PLSCR5: variants seen among roughly 807,000 people sequenced by gnomAD.
PLSCR5 encodes the protein phospholipid scramblase family, member 5.
A neutral mutation model predicts 33.6 loss-of-function variants in PLSCR5; 44 were observed. That is an observed-to-expected ratio of 1.31 (90% CI 1.03 to 1.69). The LOEUF (loss-of-function observed/expected upper bound fraction) is 1.69, where lower values mean the gene tolerates loss of function less well. PLSCR5 is among the 40% of genes most tolerant of loss of function. PLSCR5 has a pLI of 0.00. For synonymous variants in PLSCR5, 148 were observed against 112.3 expected (o/e 1.32, Z -2.01); for missense variants, 375 against 318.7 (o/e 1.18, Z -1.34).
intron 7 of PLSCR5, among the ~76,000 whole-genome samples, chr3:146,578,073 A>G (rs1303308061): frequency 1.0e-5 from 1 of 96,308 alleles, no homozygotes; most frequent in Non-Finnish European, 2.2e-5. Flanking sequence ...CAAAATGAAT[A>G]CTGACATTTT....
chr3:146,590,808 C>T (rs17367309), intron 5 of PLSCR5, among the ~76,000 whole-genome samples: 13,908 of 151,790 alleles, frequency 0.092, 855 homozygotes, highest in Middle Eastern at 0.16. Flanking sequence ...AACTAAATGC[C>T]CTTGCTGAGA....
intron 1 of PLSCR5, among the ~76,000 whole-genome samples, chr3:146,602,718 A>G (rs2044829448): frequency 6.6e-6 from 1 of 152,132 alleles, no homozygotes; most frequent in Admixed American, 6.6e-5. Flanking sequence ...GGATTCACAA[A>G]TTACCCCAAT....
intron 2 of PLSCR5, among the ~76,000 whole-genome samples, chr3:146,599,531 G>A (rs903566340): frequency 1.2e-5 from 1 of 80,900 alleles, no homozygotes; most frequent in Non-Finnish European, 2.7e-5. Context: ...TTTTTTTTTT[G>A]TCTTGCCAAT....
In PLSCR5 at chr3:146,594,899, A is replaced by G. The variant is rs6762980; in HGVS notation, c.232+142T>C. 2.6e-3 allele frequency: 1,084 copies of G among 411,684 alleles called. 9 individuals carry two copies. Among genetic ancestry groups the G allele is most frequent in the African/African-American group, 0.02 (966 of 48,168 alleles). 25.5% of individuals were successfully genotyped at this position (411,684 alleles called of 1,614,324 possible). A position where few individuals can be genotyped will look rare whatever the true frequency, so the allele number is the denominator to read the frequency against. On this transcript the variant is annotated intron_variant, in intron 3 of 7. Transcript: ENST00000443512. ...TTACTTTCAGCTTTTAATTGAAAAA[A>G]GACCTAGTACTCTTTTTGATCTAAT...
chr3:146,600,030 T>C (rs1305877559), intron 2 of PLSCR5, among the ~76,000 whole-genome samples: 2 of 152,174 alleles, frequency 1.3e-5, no homozygotes, highest in African/African-American at 2.4e-5. Context: ...ATAAATATGC[T>C]AAACAGCTCC....
At chr3:146,596,234 G>C (rs2044760214) in intron 2 of PLSCR5, among the ~76,000 whole-genome samples, 1 of 152,092 alleles carries the variant, frequency 6.6e-6, no homozygotes, top group Admixed American at 6.6e-5. Flanking sequence ...TGTGGCCCAG[G>C]CTGGAGTGCA....
At chr3:146,588,830 G>A (rs984184798) in intron 6 of PLSCR5, among the ~76,000 whole-genome samples, 4 of 152,122 alleles carry the variant, frequency 2.6e-5, no homozygotes, top group African/African-American at 9.7e-5. Context: ...AGGGGAAAAG[G>A]CATCATGTCT....
At chr3:146,589,297 G>C (rs1342245429) in intron 6 of PLSCR5, among the ~76,000 whole-genome samples, 1 of 152,024 alleles carries the variant, frequency 6.6e-6, no homozygotes, top group Non-Finnish European at 1.5e-5. Flanking sequence ...ACTTTATCCA[G>C]GATAAATCAT....
chr3:146,604,526 T>C (rs894534840), intron 1 of PLSCR5, among the ~76,000 whole-genome samples: 2 of 152,108 alleles, frequency 1.3e-5, no homozygotes, highest in Non-Finnish European at 2.9e-5. Context: ...GAAATACTTA[T>C]TTCTAGCCCA....
At chr3:146,600,158 T>C (rs891888599) in intron 2 of PLSCR5, 130 bp downstream of exon 2, 4 of 648,138 alleles carry the variant, frequency 6.2e-6, no homozygotes, top group Non-Finnish European at 6.6e-6. Context: ...AATTTTATGA[T>C]TTATAATGCT....
chr3:146,602,788 A>G (rs1347561559), intron 1 of PLSCR5, among the ~76,000 whole-genome samples: 1 of 152,114 alleles, frequency 6.6e-6, no homozygotes, highest in Non-Finnish European at 1.5e-5. Flanking sequence ...GGGTTTGGCA[A>G]GTAGCTGTAC....
intron 1 of PLSCR5, among the ~76,000 whole-genome samples, chr3:146,604,514 C>T (rs1012369991): frequency 1.3e-5 from 2 of 151,998 alleles, no homozygotes; most frequent in East Asian, 1.9e-4. Context: ...CTTTATAATT[C>T]AGAAATACTT....
In PLSCR5 at chr3:146,605,311, A is replaced by G; in HGVS notation, c.-99T>C. ...GAAAACGCAGCATGCACAAAACTTC[A>G]GAACGTGTTTGTCTGCCTCTTGTCA... On this transcript the variant is annotated 5_prime_UTR_variant, in exon 1 of 8. Coordinates refer to ENST00000443512, the MANE Select transcript of PLSCR5 (RefSeq NM_001085420.2). 6.3e-7 allele frequency: 1 copy of G among 1,593,636 alleles called. No individual in the cohort carries two copies. Among genetic ancestry groups the G allele is most frequent in the Non-Finnish European group, 8.6e-7 (1 of 1,169,402 alleles).
At chr3:146,590,629 A>G (rs2044705769) in intron 5 of PLSCR5, among the ~76,000 whole-genome samples, 3 of 152,218 alleles carry the variant, frequency 2.0e-5, no homozygotes, top group South Asian at 4.1e-4. Context: ...GTTACTTAGG[A>G]CATTTCTATA....
rs1468873710 is a variant in PLSCR5, at chr3:146,595,053, C to G, written c.220G>C (p.Glu74Gln). Residue 74 changes from glutamate (E) to glutamine (Q), a missense_variant, in exon 3 of 8, where the codon GAG becomes CAG. Physicochemically the swap from Glu to Gln is conservative, Grantham distance 29. Transcript: ENST00000443512. ...LDLIIIHQQV[E>Q]LLGMILGTET... ...ATAATGCACTTACTTCCAAGCAGCT[C>G]CACCTGCTGGTGTATAATTATCAGG... is the stretch of plus-strand genomic sequence containing the variant. 2.1e-6 allele frequency: 3 copies of G among 1,432,994 alleles called. No individual in the cohort carries two copies. Among genetic ancestry groups the G allele is most frequent in the Non-Finnish European group, 1.9e-6 (2 of 1,078,326 alleles). The allele number at this position is 1,432,994 out of a possible 1,614,324, so 88.8% of individuals were successfully genotyped here.
downstream of PLSCR5, among the ~76,000 whole-genome samples, chr3:146,585,485 A>C: frequency 6.6e-6 from 1 of 152,086 alleles, no homozygotes; most frequent in Non-Finnish European, 1.5e-5. Context: ...CTTCCTCTTC[A>C]TCTTTAGATA....
downstream of PLSCR5, among the ~76,000 whole-genome samples, chr3:146,582,195 T>A (rs2044636807): frequency 1.3e-5 from 2 of 152,192 alleles, no homozygotes; most frequent in South Asian, 4.1e-4. Context: ...TGGGTTGAAT[T>A]CTTTCAAACA....
chr3:146,604,306 C>G (rs2044845387), intron 1 of PLSCR5, among the ~76,000 whole-genome samples: 1 of 152,050 alleles, frequency 6.6e-6, no homozygotes, highest in Non-Finnish European at 1.5e-5. Flanking sequence ...ACTTTAAAAA[C>G]AACTACATCT....
Position 146,596,429 on chromosome 3 carries a change from G to A in PLSCR5, c.190-1346C>T, listed in dbSNP as rs184435423. Among the ~76,000 whole-genome samples, 24 of 152,248 alleles carry A rather than the reference G, an allele frequency of 1.6e-4. No individual in the cohort carries two copies. In the East Asian group the frequency reaches 4.6e-3, roughly 29 times the overall value. On this transcript the variant is annotated intron_variant, in intron 2 of 7. Transcript: ENST00000443512. ...TGGTCTCAAATTCCTGGCCTCAAGT[G>A]ATCCACCCATCTCAGCCTCCCAAAG...
Sources: allele counts gnomAD v4.1 joint callset (sites outside exome capture counted in the v4.1 genomes callset), GRCh38; gene constraint gnomAD v4.1.1; transcripts MANE v1.5; gene names NCBI Gene and HGNC (gene_info 2026-07-23, HGNC 2026-07-21).